ROCK2: variants seen among roughly 807,000 people sequenced by gnomAD.
ROCK2 encodes the protein Rho associated coiled-coil containing protein kinase 2.
Under a neutral mutation model 195.1 loss-of-function variants are expected in ROCK2, and 61 were observed. That is an observed-to-expected ratio of 0.31 (90% CI 0.25 to 0.39). The LOEUF is 0.39. Among genes scored for constraint, ROCK2 ranks in the 10% least tolerant of loss-of-function variants. The pLI, the probability that ROCK2 is intolerant of heterozygous loss-of-function variation, is 1.00. For synonymous variants in ROCK2, 504 were observed against 545.5 expected (o/e 0.92, Z 1.06); for missense variants, 1,109 against 1,637.4 (o/e 0.68, Z 5.57).
chr2:11,190,751 G>T (rs1248250157), intron 32 of ROCK2, among the ~76,000 whole-genome samples: 1 of 152,068 alleles, frequency 6.6e-6, no homozygotes, highest in Non-Finnish European at 1.5e-5. Context: ...ACACAGAGAA[G>T]TACTTTGGAA....
intron 4 of ROCK2, among the ~76,000 whole-genome samples, chr2:11,238,894 C>T (rs761423472): frequency 6.6e-6 from 1 of 151,778 alleles, no homozygotes. Flanking sequence ...TTGTATAGAA[C>T]TGAGAACCCA....
intron 32 of ROCK2, among the ~76,000 whole-genome samples, chr2:11,191,730 T>C (rs892969453): frequency 6.6e-6 from 1 of 152,198 alleles, no homozygotes; most frequent in Non-Finnish European, 1.5e-5. Flanking sequence ...AGTATGACTT[T>C]AAGCTAAATG....
chr2:11,233,255 A>C (rs1364364902), intron 5 of ROCK2, among the ~76,000 whole-genome samples: 2 of 152,138 alleles, frequency 1.3e-5, no homozygotes, highest in East Asian at 3.8e-4. Context: ...TACAAATCTT[A>C]TTTATTTTTT....
intron 3 of ROCK2, among the ~76,000 whole-genome samples, chr2:11,286,153 C>A (rs551533814): frequency 6.9e-6 from 1 of 145,908 alleles, no homozygotes; most frequent in East Asian, 2.0e-4. Flanking sequence ...GTATGGCCTG[C>A]GAAAATAAAT....
chr2:11,248,601 CGA>C (rs928366627), intron 4 of ROCK2, among the ~76,000 whole-genome samples: 1 of 147,264 alleles, frequency 6.8e-6, no homozygotes, highest in Admixed American at 6.9e-5. Flanking sequence ...CCCAGCTATT[CGA>C]GAGACTGAGG....
chr2:11,249,605 A>C, intron 4 of ROCK2, 56 bp downstream of exon 4: 7 of 1,321,692 alleles, frequency 5.3e-6, no homozygotes, highest in Non-Finnish European at 6.9e-6. Flanking sequence ...TCAACTCATG[A>C]ATAATAAAGC....
chr2:11,295,982 G>GAGAGAGAT (rs1667505524), intron 1 of ROCK2, among the ~76,000 whole-genome samples: 1 of 68,052 alleles, frequency 1.5e-5, no homozygotes, highest in Non-Finnish European at 3.3e-5. Flanking sequence ...GAGAGAGAGA[G>GAGAGAGAT]AGAGAGAGGA....
Position 11,182,019 on chromosome 2 carries a change from AAAAC to A in ROCK2, c.*1414_*1417del, listed in dbSNP as rs1192494112. 2 of 152,008 alleles carry A rather than the reference AAAAC, an allele frequency of 1.3e-5. No homozygotes were observed. The highest frequency in any genetic ancestry group is 2.9e-5 in the Non-Finnish European group (2 of 68,000). The allele number at this position is 152,008 out of a possible 1,614,324, so 9.4% of individuals were successfully genotyped here. On this transcript the variant is annotated 3_prime_UTR_variant, in exon 33 of 33. Transcript: ENST00000315872. ...AGACTTCATAATATAAAAAAAAACAAAAACAAAAAAAAAACTTTACGCTTACCAT... is the reference window on the plus strand; with the variant it reads ...AGACTTCATAATATAAAAAAAAACAAAAAAAAAAAACTTTACGCTTACCAT...
In ROCK2 at chr2:11,249,784, T is replaced by C. The variant is rs1665761917; in HGVS notation, c.339A>G (p.Ala113=). 1.3e-6 allele frequency: 2 copies of C among 1,537,092 alleles called. No homozygotes were observed. The highest frequency in any genetic ancestry group is 1.4e-5 in the South Asian group (1 of 72,310). ...GCTTCATAGCATAAACCTTCTGCGA[T>C]GCCTTGTGACGAACCTGTTGATTTT... is the stretch of plus-strand genomic sequence containing the variant. ...FGEVQLVRHK[A]SQKVYAMKLL... Residue 113 remains alanine, a synonymous_variant, in exon 4 of 33, where the codon GCA becomes GCG. Transcript: ENST00000315872.
intron 3 of ROCK2, among the ~76,000 whole-genome samples, chr2:11,255,965 T>C (rs1666020472): frequency 7.3e-6 from 1 of 137,912 alleles, no homozygotes; most frequent in Admixed American, 7.2e-5. Context: ...GGAAACTATA[T>C]GGAAGTCAGT....
rs775475937 is a variant in ROCK2 at position 11,195,067 on chromosome 2, T to G, written c.3449-42A>C. ...CATGTGAGGCTAAAGATAACAATTC[T>G]CCTTAGATAACAAAGAACTTAATAA... On this transcript the variant is annotated intron_variant, in intron 27 of 32. Transcript: ENST00000315872. The G allele has an allele frequency of 3.7e-6, 4 of 1,069,226 alleles. No individual in the cohort carries two copies. The Admixed American group carries it at 9.8e-5, about 26-fold the overall frequency. The allele number at this position is 1,069,226 out of a possible 1,614,324, so 66.2% of individuals were successfully genotyped here. A position where few individuals can be genotyped will look rare whatever the true frequency, so the allele number is the denominator to read the frequency against.
At chr2:11,339,112 A>G (rs774919591) in intron 1 of ROCK2, among the ~76,000 whole-genome samples, 18 of 152,306 alleles carry the variant, frequency 1.2e-4, no homozygotes, top group Middle Eastern at 3.4e-3. Flanking sequence ...TTGCATGCAA[A>G]TTTAATCTTT....
Position 11,344,316 on chromosome 2 carries a change from CGCCCGGCCCAGCCCGGCCCAGCCCG to C in ROCK2, c.-205_-181del, listed in dbSNP as rs1558411617. ...CGCCTGGGGGCTGCTCCCAGGGGCC[CGCCCGGCCCAGCCCGGCCCAGCCCG>C]GCCCGGCCCTGCCGGGAGCGGCGGG... On this transcript the variant is annotated 5_prime_UTR_variant, in exon 1 of 33. Transcript: ENST00000315872. The surrounding 1 kb of genome is among the most constrained non-coding windows in gnomAD (Gnocchi z 5.4). 7 of 1,187,690 alleles carry C rather than the reference CGCCCGGCCCAGCCCGGCCCAGCCCG, an allele frequency of 5.9e-6. No individual in the cohort carries two copies. Among genetic ancestry groups the C allele is most frequent in the South Asian group, 7.7e-5 (2 of 26,042 alleles). 73.6% of individuals were successfully genotyped at this position (1,187,690 alleles called of 1,614,324 possible). A position where few individuals can be genotyped will look rare whatever the true frequency, so the allele number is the denominator to read the frequency against.
chr2:11,248,708 C>CAAAAAAAAAAAAAAAAAAAAAAAA (rs70953372), intron 4 of ROCK2, among the ~76,000 whole-genome samples: 23 of 45,416 alleles, frequency 5.1e-4, no homozygotes, highest in African/African-American at 1.8e-3. Flanking sequence ...GACTTCATCT[C>CAAAAAAAAAAAAAAAAAAAAAAAA]AAAAAAAAAA....
At chr2:11,282,574 C>T (rs530121617) in intron 3 of ROCK2, among the ~76,000 whole-genome samples, 1 of 114,430 alleles carries the variant, frequency 8.7e-6, no homozygotes, top group South Asian at 2.7e-4. Context: ...ATGGATTGAA[C>T]AAATGTTGCT....
chr2:11,317,576 T>TTATATATCTATATATATATATATATA (rs1668237737), intron 1 of ROCK2, among the ~76,000 whole-genome samples: 2 of 29,586 alleles, frequency 6.8e-5, no homozygotes, highest in African/African-American at 3.1e-4. Context: ...ATCTACACAT[T>TTATATATCTATATATATATATATATA]TATATATATA....
At position 11,271,469 on chromosome 2, in the gene ROCK2, T is replaced by C. The variant is rs138942086; in HGVS notation, c.324+15070A>G. On this transcript the variant is annotated intron_variant, in intron 3 of 32. Coordinates refer to ENST00000315872, the MANE Select transcript of ROCK2 (RefSeq NM_004850.5). ...TTCTGCTTATGAATCCTGGATCTTA[T>C]AGCCATGGCTATTTGTTTGTCTCTC... Among the ~76,000 whole-genome samples, 597 of 152,340 alleles carry C rather than the reference T, an allele frequency of 3.9e-3. 2 individuals carry two copies. The highest frequency in any genetic ancestry group is 0.013 in the African/African-American group (536 of 41,588).
At chr2:11,282,271 G>A (rs952143400) in intron 3 of ROCK2, among the ~76,000 whole-genome samples, 32 of 151,858 alleles carry the variant, frequency 2.1e-4, no homozygotes, top group Non-Finnish European at 3.7e-4. Flanking sequence ...GGATCACCTG[G>A]GCCCAGGAGG....
intron 3 of ROCK2, among the ~76,000 whole-genome samples, chr2:11,266,357 G>C (rs1572334373): frequency 6.6e-6 from 1 of 152,138 alleles, no homozygotes; most frequent in Admixed American, 6.6e-5. Context: ...GACATTACTA[G>C]GTAAAAGGAA....
Sources: gnomAD v4.1 joint callset for allele counts (sites outside exome capture counted in the v4.1 genomes callset) on GRCh38, gnomAD v4.1.1 for gene constraint, Gnocchi (gnomAD v3.1) non-coding constraint, MANE v1.5 for transcripts, NCBI Gene and HGNC (gene_info 2026-07-23, HGNC 2026-07-21) for gene names.